Variants in TASP1 observed in about 807,000 individuals in gnomAD.
The protein encoded by TASP1 is threonine aspartase 1.
Under a neutral mutation model 56.6 loss-of-function variants are expected in TASP1, and 16 were observed. The ratio of observed to expected loss-of-function variants is 0.28; its 90% CI spans 0.19 to 0.43. The LOEUF (loss-of-function observed/expected upper bound fraction) is 0.43, where lower values mean the gene tolerates loss of function less well. Among genes scored for constraint, TASP1 ranks in the 20% least tolerant of loss-of-function variants. The pLI is 1.00. For missense variants in TASP1, 393 were observed against 511.6 expected (o/e 0.77, Z 2.24); for synonymous variants, 179 against 184.2 (o/e 0.97, Z 0.23).
the TASP1 span, among the ~76,000 whole-genome samples, chr20:13,340,226 C>T: frequency 1.3e-5 from 2 of 152,142 alleles, no homozygotes; most frequent in African/African-American, 4.8e-5. Context: ...TGTCTTGAGA[C>T]CATGAGACAG....
chr20:13,529,267 C>A lies in TASP1; in HGVS notation c.796-756G>T, dbSNP rs143723086. Among the ~76,000 whole-genome samples the A allele has an allele frequency of 4.8e-3, 729 of 152,320 alleles. 4 individuals are homozygous for A. The highest frequency in any genetic ancestry group is 0.016 in the African/African-American group (655 of 41,580). On this transcript the variant is annotated intron_variant, in intron 9 of 13. Coordinates refer to ENST00000337743, the MANE Select transcript of TASP1 (RefSeq NM_017714.3). ...ACTATGGTTTTATAACAGATTATGACAATCATTCCTATTTTGTTTTTAATA... is the reference window on the plus strand; with the variant it reads ...ACTATGGTTTTATAACAGATTATGAAAATCATTCCTATTTTGTTTTTAATA...
At chr20:13,515,224 C>T (rs570699860) in intron 10 of TASP1, among the ~76,000 whole-genome samples, 6 of 152,224 alleles carry the variant, frequency 3.9e-5, no homozygotes, top group Admixed American at 2.0e-4. Context: ...AGTCTCCATA[C>T]ATGCTAGACC....
intron 7 of TASP1, among the ~76,000 whole-genome samples, chr20:13,564,742 C>T (rs2046456342): frequency 6.6e-6 from 1 of 151,948 alleles, no homozygotes; most frequent in East Asian, 1.9e-4. Context: ...TGGCTCACAC[C>T]TGTAATCCCA....
At chr20:13,345,412 C>A in the TASP1 span, among the ~76,000 whole-genome samples, 22 of 152,302 alleles carry the variant, frequency 1.4e-4, no homozygotes, top group African/African-American at 5.3e-4. Context: ...AACCAGCTCG[C>A]AAGGCAATGG....
the TASP1 span, among the ~76,000 whole-genome samples, chr20:13,246,916 G>A: frequency 6.6e-6 from 1 of 152,034 alleles, no homozygotes; most frequent in African/African-American, 2.4e-5. Context: ...GGGAAAGAAG[G>A]GAGCAAGACA....
At chr20:13,186,673 G>T in the TASP1 span, among the ~76,000 whole-genome samples, 1 of 152,164 alleles carries the variant, frequency 6.6e-6, no homozygotes, top group East Asian at 1.9e-4. Context: ...AGAGGAATCT[G>T]CAGGGAAGGC....
At chr20:13,581,115 C>A (rs1387982265) in intron 5 of TASP1, 134 bp from the exon 6 acceptor site, 1 of 692,824 alleles carries the variant, frequency 1.4e-6, no homozygotes, top group Non-Finnish European at 2.3e-6. Flanking sequence ...TCAAATAATA[C>A]TAATGAAAAC....
At chr20:13,228,435 G>C in the TASP1 span, among the ~76,000 whole-genome samples, 1 of 152,102 alleles carries the variant, frequency 6.6e-6, no homozygotes, top group East Asian at 1.9e-4. Context: ...TTTGGCAGTT[G>C]GCTGTCTTCT....
the TASP1 span, among the ~76,000 whole-genome samples, chr20:13,342,406 T>A: frequency 6.6e-6 from 1 of 152,220 alleles, no homozygotes; most frequent in African/African-American, 2.4e-5. Context: ...TGCTTTCTTG[T>A]AATGCAAGAA....
At chr20:13,444,049 C>G (rs180831530) in intron 11 of TASP1, among the ~76,000 whole-genome samples, 1 of 152,148 alleles carries the variant, frequency 6.6e-6, no homozygotes, top group East Asian at 1.9e-4. Flanking sequence ...CTCTCTGAAC[C>G]GTGCTTTTTT....
At chr20:13,134,780 G>T in the TASP1 span, among the ~76,000 whole-genome samples, 1 of 152,078 alleles carries the variant, frequency 6.6e-6, no homozygotes, top group African/African-American at 2.4e-5. Flanking sequence ...AAAGAAAAAA[G>T]GAGGAAGAAG....
At chr20:13,135,929 C>T in the TASP1 span, among the ~76,000 whole-genome samples, 37 of 152,208 alleles carry the variant, frequency 2.4e-4, no homozygotes, top group African/African-American at 8.2e-4. Flanking sequence ...TGGATGAAAA[C>T]GTGATTCATT....
chr20:13,508,987 T>C (rs191427464), intron 10 of TASP1, among the ~76,000 whole-genome samples: 3 of 152,228 alleles, frequency 2.0e-5, no homozygotes, highest in Admixed American at 1.3e-4. Flanking sequence ...CCACTTCTCG[T>C]TGTATATGCA....
the TASP1 span, among the ~76,000 whole-genome samples, chr20:13,249,270 C>T: frequency 6.6e-6 from 1 of 152,352 alleles, no homozygotes; most frequent in Non-Finnish European, 1.5e-5. Flanking sequence ...AGCTGCGAGC[C>T]TGCCCATTTC....
chr20:13,385,043 T>G (rs1411968518), downstream of TASP1, among the ~76,000 whole-genome samples: 2 of 152,228 alleles, frequency 1.3e-5, no homozygotes, highest in Non-Finnish European at 2.9e-5. Flanking sequence ...AGAAAAATTT[T>G]GGAAGACATT....
At chr20:13,588,917 C>CA (rs765330873) in intron 4 of TASP1, among the ~76,000 whole-genome samples, 1 of 152,038 alleles carries the variant, frequency 6.6e-6, no homozygotes, top group Non-Finnish European at 1.5e-5. Context: ...GTAATCAAGA[C>CA]AGTGTAATAT....
intron 10 of TASP1, among the ~76,000 whole-genome samples, chr20:13,520,276 A>G (rs1206622615): frequency 6.6e-6 from 1 of 152,212 alleles, no homozygotes; most frequent in African/African-American, 2.4e-5. Flanking sequence ...AAACTACTTT[A>G]AAGTTCATAT....
chr20:13,325,919 A>C, the TASP1 span, among the ~76,000 whole-genome samples: 1 of 152,198 alleles, frequency 6.6e-6, no homozygotes, highest in Non-Finnish European at 1.5e-5. Context: ...CGACCATCAA[A>C]AAAGTGGTAC....
intron 11 of TASP1, among the ~76,000 whole-genome samples, chr20:13,452,357 T>C (rs2043652956): frequency 1.3e-5 from 2 of 151,262 alleles, no homozygotes; most frequent in African/African-American, 4.9e-5. Context: ...TCGCTGAACA[T>C]ACTAAATACC....
Sources: allele counts gnomAD v4.1 joint callset (sites outside exome capture counted in the v4.1 genomes callset), GRCh38; gene constraint gnomAD v4.1.1; transcripts MANE v1.5; gene names NCBI Gene and HGNC (gene_info 2026-07-23, HGNC 2026-07-21).